Variants in TTC9 observed in about 807,000 individuals in gnomAD.
TTC9 encodes tetratricopeptide repeat protein 9A.
TTC9 carries 13 observed loss-of-function variants against 22.9 expected under a neutral mutation model. The ratio of observed to expected loss-of-function variants is 0.57; its 90% CI spans 0.37 to 0.90. The LOEUF is 0.90. Among genes scored for constraint, TTC9 ranks in the 40% least tolerant of loss-of-function variants. TTC9 has a pLI of 0.01. For synonymous variants in TTC9, 148 were observed against 133.2 expected (o/e 1.11, Z -0.77); for missense variants, 280 against 291.8 (o/e 0.96, Z 0.29).
chr14:70,643,706 G>A (rs1208336706), intron 1 of TTC9, among the ~76,000 whole-genome samples: 1 of 144,152 alleles, frequency 6.9e-6, no homozygotes, highest in African/African-American at 2.9e-5. Flanking sequence ...AATTCTGCTC[G>A]GTTCTTAAAT....
intron 1 of TTC9, among the ~76,000 whole-genome samples, chr14:70,654,154 A>G (rs1886025105): frequency 6.6e-6 from 1 of 152,136 alleles, no homozygotes; most frequent in African/African-American, 2.4e-5. Flanking sequence ...AAGCATCCCC[A>G]GAACAGTGCC....
chr14:70,655,169 G>GGATC (rs1886043981), intron 1 of TTC9, among the ~76,000 whole-genome samples: 1 of 152,216 alleles, frequency 6.6e-6, no homozygotes, highest in African/African-American at 2.4e-5. Flanking sequence ...CGAGGTGGGT[G>GGATC]GATCACCTGA....
chr14:70,670,695 G>A (rs1886281495), intron 2 of TTC9, among the ~76,000 whole-genome samples: 1 of 152,128 alleles, frequency 6.6e-6, no homozygotes. Flanking sequence ...TCTTGCAGAT[G>A]GTACAGGAGG....
chr14:70,648,942 A>G (rs1372897313), intron 1 of TTC9, among the ~76,000 whole-genome samples: 1 of 152,226 alleles, frequency 6.6e-6, no homozygotes, highest in African/African-American at 2.4e-5. Context: ...AAAGCTCACT[A>G]TCTTATACAG....
chr14:70,655,734 T>C (rs1411243437), intron 1 of TTC9, among the ~76,000 whole-genome samples: 1 of 152,188 alleles, frequency 6.6e-6, no homozygotes, highest in Non-Finnish European at 1.5e-5. Flanking sequence ...CCTTTTCACA[T>C]TCCACAGCAC....
chr14:70,642,412 G>C lies in TTC9; in HGVS notation c.283G>C (p.Gly95Arg). The change falls in exon 1 of 3, where the codon GGG (glycine) becomes CGG (arginine). Residue 95 changes from glycine to arginine, a missense_variant. Gly to Arg is a moderately radical substitution (Grantham distance 125, BLOSUM62 -2). Transcript: ENST00000256367. The stretch of plus-strand genomic sequence containing the variant: ...GCTGAAGGGGCTGCTGCCGCCCCCC[G>C]GGGAACGGGAGCGGGACTCGCGCCC... ...LELKGLLPPP[G>R]ERERDSRPAS... 6.3e-7 allele frequency: 1 copy of C among 1,595,930 alleles called. No individual in the cohort carries two copies.
At chr14:70,648,238 A>G (rs1181656414) in intron 1 of TTC9, among the ~76,000 whole-genome samples, 1 of 152,234 alleles carries the variant, frequency 6.6e-6, no homozygotes, top group Non-Finnish European at 1.5e-5. Context: ...ACCTTGACCA[A>G]TAAATCTTAA....
chr14:70,656,164 C>T (rs1204719483), intron 1 of TTC9, among the ~76,000 whole-genome samples: 1 of 151,806 alleles, frequency 6.6e-6, no homozygotes, highest in Non-Finnish European at 1.5e-5. Context: ...TTCACCCATA[C>T]AGAAGGAGCA....
intron 1 of TTC9, 30 bp downstream of exon 1, chr14:70,642,565 G>T: frequency 9.6e-6 from 14 of 1,462,774 alleles, no homozygotes; most frequent in Non-Finnish European, 1.3e-5. Flanking sequence ...CCGCGCCGCG[G>T]TCCCCGTTCT....
At chr14:70,645,422 C>A (rs557626921) in intron 1 of TTC9, among the ~76,000 whole-genome samples, 2 of 152,292 alleles carry the variant, frequency 1.3e-5, no homozygotes, top group African/African-American at 4.8e-5. Flanking sequence ...AAGCTGAGGT[C>A]CTCCTGTGTA....
intron 1 of TTC9, among the ~76,000 whole-genome samples, chr14:70,647,902 G>A (rs1381943565): frequency 6.6e-6 from 1 of 152,218 alleles, no homozygotes; most frequent in African/African-American, 2.4e-5. Context: ...TGGGACACCA[G>A]AAGATGGCTG....
At chr14:70,662,304 T>G (rs1019101513) in intron 1 of TTC9, among the ~76,000 whole-genome samples, 6 of 151,866 alleles carry the variant, frequency 4.0e-5, no homozygotes, top group African/African-American at 1.5e-4. Context: ...AACAGCCTCC[T>G]CTGCTCATGA....
intron 1 of TTC9, among the ~76,000 whole-genome samples, chr14:70,658,667 A>G (rs1238536066): frequency 6.6e-6 from 1 of 152,238 alleles, no homozygotes; most frequent in African/African-American, 2.4e-5. Flanking sequence ...CCAACATCAT[A>G]GTTGATGACA....
At position 70,672,892 on chromosome 14, in the gene TTC9, T is replaced by C. The variant is rs1886316648; in HGVS notation, c.*1737T>C. The C allele has an allele frequency of 6.6e-6, 1 of 152,256 alleles. No individual in the cohort carries two copies. The highest frequency in any genetic ancestry group is 6.5e-5 in the Admixed American group (1 of 15,292). The allele number at this position is 152,256 out of a possible 1,614,324, so 9.4% of individuals were successfully genotyped here. A position where few individuals can be genotyped will look rare whatever the true frequency, so the allele number is the denominator to read the frequency against. On this transcript the variant is annotated 3_prime_UTR_variant, in exon 3 of 3. Transcript: ENST00000256367. Reference sequence around the variant, plus strand: ...AGAGCTCTGGCTAGTATCTATGCTATACTTAGTTGCCTCTCTGTAAGTATA... The same window carrying C: ...AGAGCTCTGGCTAGTATCTATGCTACACTTAGTTGCCTCTCTGTAAGTATA...
At chr14:70,669,710 C>T (rs1019967921) in intron 2 of TTC9, among the ~76,000 whole-genome samples, 4 of 151,886 alleles carry the variant, frequency 2.6e-5, no homozygotes, top group Non-Finnish European at 4.4e-5. Context: ...ATTTATTTTC[C>T]GTACATAAAT....
At chr14:70,665,565 G>C (rs1886204612) in intron 1 of TTC9, among the ~76,000 whole-genome samples, 1 of 152,214 alleles carries the variant, frequency 6.6e-6, no homozygotes, top group South Asian at 2.1e-4. Flanking sequence ...TTAGCAGCCT[G>C]TTGCTTCTGT....
intron 1 of TTC9, among the ~76,000 whole-genome samples, chr14:70,651,651 C>A (rs1885986271): frequency 6.6e-6 from 1 of 152,158 alleles, no homozygotes; most frequent in African/African-American, 2.4e-5. Flanking sequence ...AGCATGCCCC[C>A]TAGACTCTGT....
intron 1 of TTC9, among the ~76,000 whole-genome samples, chr14:70,656,210 TACAC>T (rs34334641): frequency 0.22 from 32,179 of 147,722 alleles, 3,481 homozygotes; most frequent in African/African-American, 0.25. Context: ...TTCACCCTGA[TACAC>T]ACACACACAC....
chr14:70,642,133 G>A lies in TTC9; in HGVS notation c.4G>A (p.Glu2Lys). MERKGSAAGAKG... is the reference protein window; with the variant it reads MKRKGSAAGAKG... ...CAGGCGCCGGGGCGGCGGCCGAATG[G>A]AGAGAAAGGGCTCGGCGGCCGGGGC... The change falls in exon 1 of 3, where the codon GAG becomes AAG. Residue 2 changes from glutamate to lysine, a missense_variant. By Grantham distance (56) the Glu-to-Lys change is moderately conservative. This residue lies in a region of TTC9 where 49 missense variants were observed against 39.8 expected (regional missense o/e 1.23). Coordinates refer to ENST00000256367, the MANE Select transcript of TTC9 (RefSeq NM_015351.2). The A allele has an allele frequency of 8.7e-7, 1 of 1,145,586 alleles. No individual in the cohort carries two copies. Among genetic ancestry groups the A allele is most frequent in the East Asian group, 4.7e-5 (1 of 21,338 alleles). 71.0% of individuals were successfully genotyped at this position (1,145,586 alleles called of 1,614,324 possible).
Sources: allele counts gnomAD v4.1 joint callset (sites outside exome capture counted in the v4.1 genomes callset), GRCh38; gene constraint gnomAD v4.1.1; regional missense constraint gnomAD v4.1.1; transcripts MANE v1.5; gene names NCBI Gene and HGNC (gene_info 2026-07-23, HGNC 2026-07-21).